Variants in NLRP1 observed in about 807,000 individuals in gnomAD.
The protein encoded by NLRP1 is NACHT, LRR and PYD domains-containing protein 1.
A neutral mutation model predicts 136.7 loss-of-function variants in NLRP1; 94 were observed. That is an observed-to-expected ratio of 0.69 (90% CI 0.58 to 0.82). NLRP1 has a LOEUF of 0.82. Ranked by LOEUF, NLRP1 falls within the 40% of genes least tolerant of loss-of-function variation. NLRP1 has a pLI of 0.00. For synonymous variants in NLRP1, 690 were observed against 725.1 expected, an observed-to-expected ratio of 0.95 and a Z score of 0.78; for missense variants, 1,575 against 1,802.7, an observed-to-expected ratio of 0.87 and a Z score of 2.29.
chr17:5,545,022 A>AGTG (rs1912390081), intron 5 of NLRP1, among the ~76,000 whole-genome samples: 1 of 151,234 alleles, frequency 6.6e-6, no homozygotes, highest in African/African-American at 2.4e-5. Context: ...CTCAAATACC[A>AGTG]CTCTCCATCC....
At chr17:5,512,318 C>T (rs751184832), downstream of NLRP1, 109 of 1,424,042 alleles carry the variant, frequency 7.7e-5, no homozygotes, top group South Asian at 4.0e-4. Flanking sequence ...AAAGGACATT[C>T]GCCAAGAGGC....
chr17:5,573,218 T>G (rs1904619380), intron 3 of NLRP1, among the ~76,000 whole-genome samples: 1 of 152,162 alleles, frequency 6.6e-6, no homozygotes, highest in African/African-American at 2.4e-5. Flanking sequence ...CCTCACTTAT[T>G]GCTAGCCAGC....
rs752779651 is a variant in NLRP1 at position 5,514,991 on chromosome 17, C to T, written c.4185G>A (p.Ser1395=). ...YREQLIARVT[S]VEVVLDKLHG... is the part of the protein sequence containing the mutation. ...GCAGTTTGTCCAAGACAACCTCCAC[C>T]GATGTCACTCGGGCTATCAGCTGCT... Residue 1395 remains serine, a synonymous_variant, in exon 17 of 17, where the codon TCG becomes TCA. Coordinates refer to ENST00000572272, the MANE Select transcript of NLRP1 (RefSeq NM_033004.4). 28 of 1,614,060 alleles carry T rather than the reference C, an allele frequency of 1.7e-5. No individual in the cohort carries two copies. Among genetic ancestry groups the T allele is most frequent in the Middle Eastern group, 1.6e-4 (1 of 6,084 alleles).
intron 12 of NLRP1, chr17:5,529,983 T>C (rs1011548701): frequency 4.4e-6 from 2 of 456,638 alleles, no homozygotes; most frequent in African/African-American, 4.0e-5. Context: ...TTGTGATTAC[T>C]ATCTTCTATG....
chr17:5,540,792 G>A (rs1313238082), intron 6 of NLRP1, among the ~76,000 whole-genome samples: 1 of 152,168 alleles, frequency 6.6e-6, no homozygotes, highest in Non-Finnish European at 1.5e-5. Context: ...TCTTGATCAG[G>A]ATTACTGAAT....
intron 15 of NLRP1, 107 bp from the exon 16 acceptor site, chr17:5,515,624 A>C (rs1908005756): frequency 1.1e-6 from 1 of 911,718 alleles, no homozygotes; most frequent in African/African-American, 1.6e-5. Flanking sequence ...TGATTTAGAA[A>C]AAAGCCACAG....
At position 5,541,128 on chromosome 17, in the gene NLRP1, C is replaced by T. The variant is rs914671536; in HGVS notation, c.2699+729G>A. On this transcript the variant is annotated intron_variant, in intron 6 of 16. Coordinates refer to ENST00000572272, the MANE Select transcript of NLRP1 (RefSeq NM_033004.4). This position sits in a 1 kb window ranked among gnomAD's most constrained non-coding sequence, Gnocchi z 4.2. ...GAGGTGATTTCAGCTCACTGCAATG[C>T]CTACCTTCTGTGTTCAAGCAATTCT... 6.6e-6 allele frequency among the ~76,000 whole-genome samples: 1 copy of T among 152,098 alleles called. No individual in the cohort carries two copies. Among genetic ancestry groups the T allele is most frequent in the Non-Finnish European group, 1.5e-5 (1 of 68,014 alleles).
In NLRP1 at chr17:5,520,897, A is replaced by G; in HGVS notation, c.3899T>C (p.Leu1300Pro). 1.2e-6 allele frequency: 2 copies of G among 1,604,436 alleles called. No homozygotes were observed. Among genetic ancestry groups the G allele is most frequent in the Non-Finnish European group, 1.7e-6 (2 of 1,174,358 alleles). ...GCTGCTCACCTTGGGGAGTATTTCC[A>G]GCATCCCTGAACCAGACCCAGACAC... is the stretch of plus-strand genomic sequence containing the variant. ...YTVSGSGSGMLEILPKELELC... is the reference protein window; with the variant it reads ...YTVSGSGSGMPEILPKELELC... Residue 1300 changes from leucine to proline, a missense_variant, in exon 14 of 17, where the codon CTG (leucine) becomes CCG (proline). By Grantham distance (98) the Leu-to-Pro change is moderately conservative. Coordinates refer to ENST00000572272, the MANE Select transcript of NLRP1 (RefSeq NM_033004.4).
chr17:5,533,168 G>A, intron 10 of NLRP1, 136 bp downstream of exon 10: 3 of 1,481,266 alleles, frequency 2.0e-6, no homozygotes, highest in South Asian at 2.8e-5. Flanking sequence ...CCACTCCAGT[G>A]CCTCCAGCCC....
At position 5,517,729 on chromosome 17, in the gene NLRP1, A is replaced by T. The variant is rs540375101; in HGVS notation, c.4057+17T>A. ...CTCCTCCCACCTCTGAGTTCTCTGGAATTGTCCTGGATTTACCTGGTTTCA... is the reference window on the plus strand; with the variant it reads ...CTCCTCCCACCTCTGAGTTCTCTGGTATTGTCCTGGATTTACCTGGTTTCA... On this transcript the variant is annotated intron_variant, in intron 15 of 16. Coordinates refer to ENST00000572272, the MANE Select transcript of NLRP1 (RefSeq NM_033004.4). 1 of 1,613,906 alleles carries T rather than the reference A, an allele frequency of 6.2e-7. No individual in the cohort carries two copies. Among genetic ancestry groups the T allele is most frequent in the Non-Finnish European group, 8.5e-7 (1 of 1,179,902 alleles).
intron 15 of NLRP1, among the ~76,000 whole-genome samples, chr17:5,506,894 C>T (rs372453199): frequency 1.7e-5 from 2 of 118,736 alleles, no homozygotes; most frequent in African/African-American, 7.3e-5. Context: ...AAGAGCAAAA[C>T]TCCATCTCAA....
chr17:5,545,958 A>T (rs1912610929), intron 5 of NLRP1, among the ~76,000 whole-genome samples: 1 of 152,128 alleles, frequency 6.6e-6, no homozygotes, highest in East Asian at 1.9e-4. Context: ...ACAACTTACC[A>T]TTACAAGCTG....
chr17:5,521,432 C>T (rs1448317028), intron 13 of NLRP1, 92 bp downstream of exon 13: 1 of 1,344,698 alleles, frequency 7.4e-7, no homozygotes, highest in African/African-American at 1.5e-5. Context: ...CATCCTTGGT[C>T]CCAGTTGAAG....
Position 5,532,873 on chromosome 17 carries a change from G to C in NLRP1, c.3245C>G (p.Pro1082Arg). The change falls in exon 11 of 17, where the codon CCC becomes CGC. Residue 1082 changes from proline (P) to arginine (R), a missense_variant. Pro to Arg is a moderately radical substitution (Grantham distance 103). Coordinates refer to ENST00000572272, the MANE Select transcript of NLRP1 (RefSeq NM_033004.4). ...TACCTCAGTAGCCACAGGCCCCGTG[G>C]GGCCCCAGAAGTCATCGTCAGTCCC... Reference protein sequence around the residue: ...PLGTDDDFWGPTGPVATEVVD... With the variant: ...PLGTDDDFWGRTGPVATEVVD... The C allele has an allele frequency of 1.2e-6, 2 of 1,612,562 alleles. No individual in the cohort carries two copies. Among genetic ancestry groups the C allele is most frequent in the East Asian group, 2.2e-5 (1 of 44,726 alleles).
chr17:5,563,416 A>G (rs888433794), intron 3 of NLRP1, among the ~76,000 whole-genome samples: 1 of 152,248 alleles, frequency 6.6e-6, no homozygotes, highest in Non-Finnish European at 1.5e-5. Context: ...CGAAATGGTC[A>G]TTTTAGGAAA....
intron 12 of NLRP1, among the ~76,000 whole-genome samples, chr17:5,524,146 T>C (rs1463213351): frequency 6.6e-6 from 1 of 152,166 alleles, no homozygotes; most frequent in Non-Finnish European, 1.5e-5. Context: ...CTCCTGACCT[T>C]AGGTGATCCA....
intron 15 of NLRP1, among the ~76,000 whole-genome samples, chr17:5,507,339 T>C (rs1907396477): frequency 6.6e-6 from 1 of 152,178 alleles, no homozygotes; most frequent in African/African-American, 2.4e-5. Flanking sequence ...TTAAATTAAA[T>C]TAAAGGTCTT....
chr17:5,534,095 C>T, intron 8 of NLRP1, 107 bp from the exon 9 acceptor site: 1 of 811,792 alleles, frequency 1.2e-6, no homozygotes, highest in Middle Eastern at 2.3e-4. Context: ...GGTGCAGTGG[C>T]TCATGTCTGT....
rs569485564 is a variant in NLRP1 at position 5,559,964 on chromosome 17, C to T, written c.732G>A (p.Ala244=). ...WAAVVGTPPQ[A]HTSLQPHHHP... is the part of the protein sequence containing the mutation. ...GGTGGTGGGGCTGTAGGCTGGTGTGCGCCTGTGGGGGCGTTCCTACCACCG... is the reference window on the plus strand; with the variant it reads ...GGTGGTGGGGCTGTAGGCTGGTGTGTGCCTGTGGGGGCGTTCCTACCACCG... Residue 244 remains alanine (A), a synonymous_variant, in exon 4 of 17, where the codon GCG becomes GCA. Transcript: ENST00000572272. 49 of 1,613,782 alleles carry T rather than the reference C, an allele frequency of 3.0e-5. No homozygotes were observed. The highest frequency in any genetic ancestry group is 1.7e-4 in the Middle Eastern group (1 of 6,060).
Sources: gnomAD v4.1 joint callset for allele counts (sites outside exome capture counted in the v4.1 genomes callset) on GRCh38, gnomAD v4.1.1 for gene constraint, Gnocchi (gnomAD v3.1) non-coding constraint, MANE v1.5 for transcripts, NCBI Gene and HGNC (gene_info 2026-07-23, HGNC 2026-07-21) for gene names.